Variants in TMEM74 observed in about 807,000 individuals in gnomAD.
TMEM74 encodes the protein transmembrane protein 74.
In TMEM74, 13 loss-of-function variants were observed where a neutral mutation model predicts 18.1. That is an observed-to-expected ratio of 0.72 (90% CI 0.47 to 1.14). The LOEUF is 1.14. Among genes scored for constraint, TMEM74 ranks in the 50% most tolerant of loss-of-function variants. The probability of loss-of-function intolerance (pLI) is 0.00; values close to 1 mark genes in which losing one functional copy is unlikely to be tolerated. For synonymous variants in TMEM74, 159 were observed against 146.6 expected (o/e 1.08, Z -0.61); for missense variants, 372 against 375.9 (o/e 0.99, Z 0.09).
chr8:108,787,253 C>A (rs932917134), intron 1 of TMEM74, among the ~76,000 whole-genome samples: 3 of 152,160 alleles, frequency 2.0e-5, no homozygotes, highest in Non-Finnish European at 4.4e-5. Context: ...GGAGAGCGAG[C>A]CCCAAGCACC....
intron 1 of TMEM74, among the ~76,000 whole-genome samples, chr8:108,667,465 A>G (rs1812959758): frequency 6.6e-6 from 1 of 152,166 alleles, no homozygotes. Flanking sequence ...TTTCACTAAT[A>G]GGAAATAAAA....
chr8:108,783,244 A>G lies in TMEM74; in HGVS notation c.*937T>C, dbSNP rs1814330567. On this transcript the variant is annotated 3_prime_UTR_variant, in exon 2 of 2. Coordinates refer to ENST00000297459, the MANE Select transcript of TMEM74 (RefSeq NM_153015.3). ...GCAATTCTATTGGTGGTTTTCCCCA[A>G]ACAGCAATAACAAGATGTTACCTGG... Among the ~76,000 whole-genome samples, 1 of 152,154 alleles carries G rather than the reference A, an allele frequency of 6.6e-6. No individual in the cohort carries two copies. Among genetic ancestry groups the G allele is most frequent in the African/African-American group, 2.4e-5 (1 of 41,428 alleles).
intron 1 of TMEM74, among the ~76,000 whole-genome samples, chr8:108,694,089 C>A (rs527561835): frequency 1.3e-5 from 2 of 152,202 alleles, no homozygotes; most frequent in African/African-American, 4.8e-5. Flanking sequence ...GAAGTCAGGG[C>A]TTTTAGCTTA....
At position 108,678,232 on chromosome 8, in the gene TMEM74, A is replaced by G. The variant is rs141296475; in HGVS notation, n.120-22795T>C. 3.9e-3 allele frequency among the ~76,000 whole-genome samples: 600 copies of G among 152,350 alleles called. 8 individuals are homozygous for G. The highest frequency in any genetic ancestry group is 0.014 in the African/African-American group (568 of 41,574). ...GGATATTAGGTGAAAAGTGCAGATAACAAAAATAATGGATTCCAATTGTAT... is the reference window on the plus strand; with the variant it reads ...GGATATTAGGTGAAAAGTGCAGATAGCAAAAATAATGGATTCCAATTGTAT... On this transcript the variant is annotated intron_variant and non_coding_transcript_variant, in intron 1 of 3. Coordinates refer to the TMEM74 transcript ENST00000518838.
At position 108,787,331 on chromosome 8, in the gene TMEM74, T is replaced by A. The variant is rs575085697; in HGVS notation, c.-40+145A>T. 28 of 152,278 alleles carry A rather than the reference T, an allele frequency of 1.8e-4. No homozygotes were observed. In the East Asian group the frequency reaches 5.2e-3, roughly 28 times the overall value. The allele number at this position is 152,278 out of a possible 1,614,324, so 9.4% of individuals were successfully genotyped here. ...CATTTCTGGTGAACTCTGCGCCCAC[T>A]GAGGCATTCGAGGTACGGATGTGTC... is the stretch of plus-strand genomic sequence containing the variant. On this transcript the variant is annotated intron_variant, in intron 1 of 1. Transcript: ENST00000297459.
intron 1 of TMEM74, among the ~76,000 whole-genome samples, chr8:108,723,860 T>C (rs1490158067): frequency 6.6e-6 from 1 of 152,206 alleles, no homozygotes; most frequent in Non-Finnish European, 1.5e-5. Context: ...CAGGGAATTA[T>C]TAAATTCAAT....
intron 1 of TMEM74, among the ~76,000 whole-genome samples, chr8:108,718,743 A>C (rs528341127): frequency 6.6e-5 from 10 of 152,288 alleles, no homozygotes; most frequent in Admixed American, 4.6e-4. Flanking sequence ...AACCTTTAAA[A>C]CAACATTGAG....
intron 2 of TMEM74, chr8:108,655,201 C>T (rs1234076802): frequency 6.6e-6 from 1 of 152,054 alleles, no homozygotes; most frequent in African/African-American, 2.4e-5. Flanking sequence ...GCTTTCAGTC[C>T]ACCATTCTGC....
chr8:108,711,390 T>G (rs1813473802), intron 1 of TMEM74, among the ~76,000 whole-genome samples: 1 of 152,240 alleles, frequency 6.6e-6, no homozygotes, highest in Non-Finnish European at 1.5e-5. Context: ...ACACTCTCCC[T>G]GTCTTCTACT....
chr8:108,758,466 T>C (rs74529410), intron 1 of TMEM74, among the ~76,000 whole-genome samples: 1 of 152,086 alleles, frequency 6.6e-6, no homozygotes, highest in Non-Finnish European at 1.5e-5. Context: ...AAGAAATGTA[T>C]AAAAAGATGT....
chr8:108,739,547 G>A (rs1366560468), intron 1 of TMEM74, among the ~76,000 whole-genome samples: 1 of 152,170 alleles, frequency 6.6e-6, no homozygotes, highest in Non-Finnish European at 1.5e-5. Context: ...ATTTATTGCA[G>A]TGTAATAAAT....
intron 1 of TMEM74, among the ~76,000 whole-genome samples, chr8:108,769,904 T>C (rs1051005233): frequency 6.6e-6 from 1 of 152,056 alleles, no homozygotes; most frequent in African/African-American, 2.4e-5. Context: ...TTATTTGTTA[T>C]CTATTAACAC....
At chr8:108,703,151 T>C (rs1274065061) in intron 1 of TMEM74, among the ~76,000 whole-genome samples, 1 of 152,152 alleles carries the variant, frequency 6.6e-6, no homozygotes, top group Non-Finnish European at 1.5e-5. Context: ...TCCCTCCCAA[T>C]GCTCAGTTTT....
In TMEM74 at chr8:108,756,599, A is replaced by AGAGAGAAAGG. The variant is rs1586286215; in HGVS notation, n.119+30876_119+30877insCCTTTCTCTC. Among the ~76,000 whole-genome samples the AGAGAGAAAGG allele has an allele frequency of 5.8e-5, 3 of 51,526 alleles. No individual in the cohort carries two copies. In the East Asian group the frequency reaches 1.8e-3, roughly 31 times the overall value. 33.8% of individuals were successfully genotyped at this position (51,526 alleles called of 152,430 possible). On this transcript the variant is annotated intron_variant and non_coding_transcript_variant, in intron 1 of 3. Coordinates refer to the TMEM74 transcript ENST00000518838. Reference sequence around the variant, plus strand: ...AAGAAAGAAAGAAAGAAAGAAAGAGAAAGGAAGGAAGGAAGGAAGGAAGGA... The same window carrying AGAGAGAAAGG: ...AAGAAAGAAAGAAAGAAAGAAAGAGAGAGAGAAAGGAAGGAAGGAAGGAAGGAAGGAAGGA...
intron 3 of TMEM74, among the ~76,000 whole-genome samples, chr8:108,608,166 G>A (rs1222851778): frequency 6.6e-6 from 1 of 151,974 alleles, no homozygotes; most frequent in African/African-American, 2.4e-5. Context: ...GCTGGGCATG[G>A]TGGTGCGTGC....
rs540035577 is a variant in TMEM74 at position 108,631,018 on chromosome 8, A to C, written n.265-22192T>G. ...TCATACCGGGACCAAATAGACATGG[A>C]AATTCACTTCATGTGCACATCTTTA... On this transcript the variant is annotated intron_variant and non_coding_transcript_variant, in intron 2 of 3. Transcript: ENST00000518838. Among the ~76,000 whole-genome samples, 5 of 152,120 alleles carry C rather than the reference A, an allele frequency of 3.3e-5. No individual in the cohort carries two copies. In the East Asian group the frequency reaches 5.8e-4, roughly 18 times the overall value.
intron 2 of TMEM74, among the ~76,000 whole-genome samples, chr8:108,629,218 G>A (rs967550154): frequency 6.6e-6 from 1 of 151,930 alleles, no homozygotes; most frequent in Non-Finnish European, 1.5e-5. Context: ...TCAATCAAGT[G>A]CAAGAAAGGA....
intron 1 of TMEM74, among the ~76,000 whole-genome samples, chr8:108,750,971 C>A (rs1274965991): frequency 1.3e-5 from 2 of 152,130 alleles, no homozygotes; most frequent in African/African-American, 4.8e-5. Context: ...ATCTCTTTTT[C>A]TGCCCTATGA....
At position 108,766,200 on chromosome 8, in the gene TMEM74, TTTCC is replaced by T. The variant is rs150712271; in HGVS notation, n.119+21272_119+21275del. On this transcript the variant is annotated intron_variant and non_coding_transcript_variant, in intron 1 of 3. Coordinates refer to the TMEM74 transcript ENST00000518838. ...TTATTAATTTGGGGGTTATTTCTCC[TTTCC>T]TTCCTTCCTTCCTTCCTTCCTTTCT... Among the ~76,000 whole-genome samples the T allele has an allele frequency of 3.1e-3, 463 of 151,652 alleles. 4 individuals are homozygous for T. Among genetic ancestry groups the T allele is most frequent in the East Asian group, 8.3e-3 (43 of 5,160 alleles).
Sources: gnomAD v4.1 joint callset for allele counts (sites outside exome capture counted in the v4.1 genomes callset) on GRCh38, gnomAD v4.1.1 for gene constraint, MANE v1.5 for transcripts, NCBI Gene and HGNC (gene_info 2026-07-23, HGNC 2026-07-21) for gene names.